The following LYPD6 variants were observed in gnomAD, a reference collection of about 807,000 sequenced individuals.
LYPD6 encodes the protein ly6/PLAUR domain-containing protein 6.
A neutral mutation model predicts 22.7 loss-of-function variants in LYPD6; 15 were observed. The ratio of observed to expected loss-of-function variants is 0.66; its 90% CI spans 0.44 to 1.02. LYPD6 has a LOEUF of 1.02. LYPD6 is among the 50% of genes least tolerant of loss of function. LYPD6 has a pLI of 0.00. For missense variants in LYPD6, 189 were observed against 208.4 expected (o/e 0.91, Z 0.57); for synonymous variants, 72 against 77.5 (o/e 0.93, Z 0.37).
At chr2:149,369,304 A>C (rs1052401264) in intron 1 of LYPD6, among the ~76,000 whole-genome samples, 1 of 152,190 alleles carries the variant, frequency 6.6e-6, no homozygotes, top group Admixed American at 6.5e-5. Flanking sequence ...AGTCTCCAGG[A>C]GCACAGCAGG....
At chr2:149,435,849 T>C (rs902507540) in intron 1 of LYPD6, among the ~76,000 whole-genome samples, 2 of 152,204 alleles carry the variant, frequency 1.3e-5, no homozygotes, top group African/African-American at 4.8e-5. Context: ...TTACAAGTGA[T>C]AAGAGAGCTC....
chr2:149,352,568 C>G (rs962922292), intron 1 of LYPD6, among the ~76,000 whole-genome samples: 7 of 152,256 alleles, frequency 4.6e-5, no homozygotes, highest in African/African-American at 7.2e-5. Context: ...AAAGGGGATT[C>G]ATACTGGTAG....
intron 1 of LYPD6, among the ~76,000 whole-genome samples, chr2:149,407,737 A>C (rs1201264081): frequency 6.6e-6 from 1 of 152,170 alleles, no homozygotes; most frequent in Non-Finnish European, 1.5e-5. Flanking sequence ...TCAACTTGTG[A>C]AAGTCATCCT....
At chr2:149,459,654 C>T (rs1681043423) in intron 3 of LYPD6, among the ~76,000 whole-genome samples, 1 of 152,168 alleles carries the variant, frequency 6.6e-6, no homozygotes, top group Non-Finnish European at 1.5e-5. Flanking sequence ...GTAATCCCAG[C>T]ACTTTGGGAG....
intron 1 of LYPD6, among the ~76,000 whole-genome samples, chr2:149,371,076 T>C (rs1320849705): frequency 6.6e-6 from 1 of 152,232 alleles, no homozygotes; most frequent in Non-Finnish European, 1.5e-5. Context: ...GCTGACTCTT[T>C]TTATAAGTGA....
At chr2:149,373,547 G>T (rs1283131817) in intron 1 of LYPD6, among the ~76,000 whole-genome samples, 2 of 152,086 alleles carry the variant, frequency 1.3e-5, no homozygotes, top group Non-Finnish European at 2.9e-5. Context: ...CAAGGAGACC[G>T]AGCTGTCCTC....
At chr2:149,393,005 G>A (rs1158713944) in intron 1 of LYPD6, among the ~76,000 whole-genome samples, 3 of 152,054 alleles carry the variant, frequency 2.0e-5, no homozygotes, top group Non-Finnish European at 4.4e-5. Flanking sequence ...CAGCCTGGGC[G>A]ACAGAGCGAG....
chr2:149,360,802 C>A (rs1452361320), intron 1 of LYPD6, among the ~76,000 whole-genome samples: 4 of 152,014 alleles, frequency 2.6e-5, no homozygotes, highest in Non-Finnish European at 4.4e-5. Context: ...CACAATATAG[C>A]TTTGATGTCC....
rs2307665 is a variant in LYPD6, at chr2:149,382,769, T to TTTGATAGCCTGTTTGTTATCAAA, written c.-72+52057_-72+52058insGTTTGTTATCAAATTGATAGCCT. On this transcript the variant is annotated intron_variant, in intron 1 of 4. Coordinates refer to ENST00000334166, the MANE Select transcript of LYPD6 (RefSeq NM_194317.5). The stretch of plus-strand genomic sequence containing the variant: ...AGAACATCTGTAGAAAAGTAGTAGA[T>TTTGATAGCCTGTTTGTTATCAAA]TTGATAGCCTATTATAATTCTGTTA... Among the ~76,000 whole-genome samples the TTTGATAGCCTGTTTGTTATCAAA allele has an allele frequency of 2.0e-4, 30 of 151,690 alleles. 2 individuals are homozygous for TTTGATAGCCTGTTTGTTATCAAA. Among genetic ancestry groups the TTTGATAGCCTGTTTGTTATCAAA allele is most frequent in the Admixed American group, 1.4e-3 (22 of 15,218 alleles).
intron 1 of LYPD6, among the ~76,000 whole-genome samples, chr2:149,405,006 C>G (rs1682663326): frequency 6.6e-6 from 1 of 152,102 alleles, no homozygotes; most frequent in South Asian, 2.1e-4. Flanking sequence ...TGGTTTTTGT[C>G]TTTGGTTCTG....
At chr2:149,441,807 G>T (rs187281483) in intron 2 of LYPD6, among the ~76,000 whole-genome samples, 1 of 152,274 alleles carries the variant, frequency 6.6e-6, no homozygotes, top group Admixed American at 6.5e-5. Flanking sequence ...TATACTAAGT[G>T]GCTGCGACCT....
At chr2:149,365,265 A>C (rs370839058) in intron 1 of LYPD6, among the ~76,000 whole-genome samples, 5 of 152,222 alleles carry the variant, frequency 3.3e-5, no homozygotes, top group Non-Finnish European at 4.4e-5. Flanking sequence ...CATGAATACT[A>C]TCTCATTTAA....
chr2:149,483,759 A>G, the LYPD6 span, among the ~76,000 whole-genome samples: 1 of 152,236 alleles, frequency 6.6e-6, no homozygotes, highest in African/African-American at 2.4e-5. Flanking sequence ...TTATACAATT[A>G]TTATTTGTCA....
At chr2:149,451,031 T>G (rs559552911) in intron 3 of LYPD6, among the ~76,000 whole-genome samples, 67 of 152,252 alleles carry the variant, frequency 4.4e-4, no homozygotes, top group Admixed American at 4.6e-4. Flanking sequence ...GGAAGCGTGT[T>G]TTAGTCCACT....
chr2:149,439,484 C>T (rs993067708), intron 2 of LYPD6, among the ~76,000 whole-genome samples: 3 of 152,180 alleles, frequency 2.0e-5, no homozygotes, highest in Non-Finnish European at 4.4e-5. Flanking sequence ...GAGTTTTCAG[C>T]TTCTGTATGA....
intron 1 of LYPD6, among the ~76,000 whole-genome samples, chr2:149,346,129 A>C (rs1573731404): frequency 6.6e-6 from 1 of 152,312 alleles, no homozygotes; most frequent in African/African-American, 2.4e-5. Context: ...TATAATTGTC[A>C]CCACTTTTAT....
At chr2:149,380,200 G>A (rs1216046629) in intron 1 of LYPD6, among the ~76,000 whole-genome samples, 4 of 152,206 alleles carry the variant, frequency 2.6e-5, no homozygotes, top group Non-Finnish European at 5.9e-5. Flanking sequence ...CAGAAATGGG[G>A]AGCGGGGGCA....
At chr2:149,351,689 G>T (rs868704009) in intron 1 of LYPD6, among the ~76,000 whole-genome samples, 4 of 152,160 alleles carry the variant, frequency 2.6e-5, no homozygotes, top group Admixed American at 1.3e-4. Flanking sequence ...CAGGAAGGGG[G>T]TTATTAAAGA....
intron 2 of LYPD6, among the ~76,000 whole-genome samples, chr2:149,442,625 G>A (rs527826482): frequency 1.4e-5 from 2 of 147,590 alleles, no homozygotes; most frequent in South Asian, 4.3e-4. Flanking sequence ...ACATCTCTTA[G>A]GAACCTCTTT....
Sources: gnomAD v4.1 joint callset for allele counts (sites outside exome capture counted in the v4.1 genomes callset) on GRCh38, gnomAD v4.1.1 for gene constraint, MANE v1.5 for transcripts, NCBI Gene and HGNC (gene_info 2026-07-23, HGNC 2026-07-21) for gene names.